Variants in DENND4C observed in about 807,000 individuals in gnomAD.
DENND4C encodes DENN domain-containing protein 4C.
In DENND4C, 108 loss-of-function variants were observed where a neutral mutation model predicts 203.0. The observed-to-expected ratio is 0.53, with a 90% CI of 0.46 to 0.62. The LOEUF (loss-of-function observed/expected upper bound fraction) is 0.62. Ranked by LOEUF, DENND4C falls within the 20% of genes least tolerant of loss-of-function variation. The pLI is 0.00. For synonymous variants in DENND4C, 871 were observed against 792.4 expected, an observed-to-expected ratio of 1.10 and a Z score of -1.67; for missense variants, 2,481 against 2,301.2, an observed-to-expected ratio of 1.08 and a Z score of -1.60.
chr9:19,259,241 G>A (rs77693059), intron 1 of DENND4C, among the ~76,000 whole-genome samples: 180 of 151,236 alleles, frequency 1.2e-3, no homozygotes, highest in African/African-American at 4.0e-3. Flanking sequence ...TTCCGCCCCC[G>A]CCACCTCCCC....
At chr9:19,357,415 A>C (rs1047237758) in intron 27 of DENND4C, 3 of 370,088 alleles carry the variant, frequency 8.1e-6, no homozygotes, top group African/African-American at 4.2e-5. Context: ...TAATATAGTC[A>C]TTGCCAGTTT....
intron 12 of DENND4C, among the ~76,000 whole-genome samples, chr9:19,318,852 G>C (rs773311206): frequency 2.0e-5 from 3 of 152,036 alleles, no homozygotes; most frequent in Admixed American, 6.6e-5. Flanking sequence ...ACATTCCGAG[G>C]TACTAGGGGC....
chr9:19,269,915 A>G (rs1831282348), intron 1 of DENND4C, among the ~76,000 whole-genome samples: 2 of 152,164 alleles, frequency 1.3e-5, no homozygotes, highest in South Asian at 4.1e-4. Context: ...CTTTCCAAGT[A>G]TTCAAAGGTA....
At chr9:19,368,657 C>T (rs1828180647) in intron 30 of DENND4C, among the ~76,000 whole-genome samples, 1 of 152,020 alleles carries the variant, frequency 6.6e-6, no homozygotes, top group African/African-American at 2.4e-5. Flanking sequence ...AAAAAATTAG[C>T]TAGATGTGGT....
At chr9:19,323,189 C>G (rs182544020) in intron 12 of DENND4C, among the ~76,000 whole-genome samples, 1 of 152,322 alleles carries the variant, frequency 6.6e-6, no homozygotes, top group Non-Finnish European at 1.5e-5. Context: ...AATCCCAGAA[C>G]TTTGGGAGGC....
At chr9:19,312,694 A>G (rs1279080044) in intron 10 of DENND4C, among the ~76,000 whole-genome samples, 1 of 152,134 alleles carries the variant, frequency 6.6e-6, no homozygotes, top group African/African-American at 2.4e-5. Context: ...ATTGCATTTT[A>G]TAGTTATTTG....
At chr9:19,266,150 A>G (rs991500552) in intron 1 of DENND4C, among the ~76,000 whole-genome samples, 4 of 152,152 alleles carry the variant, frequency 2.6e-5, no homozygotes, top group African/African-American at 9.7e-5. Flanking sequence ...TCGTCATTCT[A>G]ACTGGTGTGA....
intron 1 of DENND4C, among the ~76,000 whole-genome samples, chr9:19,250,719 G>A (rs993236140): frequency 1.3e-5 from 2 of 152,160 alleles, no homozygotes; most frequent in Non-Finnish European, 2.9e-5. Context: ...CAAAATGAAG[G>A]GGCTACAGGC....
chr9:19,357,536 A>T (rs569216206), intron 27 of DENND4C: 1 of 212,402 alleles, frequency 4.7e-6, no homozygotes, highest in Admixed American at 5.2e-5. Flanking sequence ...GCTAAGCTCT[A>T]AAAATAAAAA....
At chr9:19,319,252 CAT>C (rs541592840) in intron 12 of DENND4C, among the ~76,000 whole-genome samples, 429 of 143,040 alleles carry the variant, frequency 3.0e-3, no homozygotes, top group African/African-American at 7.9e-3. Context: ...TATATATAAA[CAT>C]ATGTATAAAC....
intron 4 of DENND4C, among the ~76,000 whole-genome samples, chr9:19,289,762 G>A (rs138796481): frequency 1.2e-3 from 175 of 151,230 alleles, no homozygotes; most frequent in African/African-American, 4.1e-3. Context: ...CCAGGAGGCG[G>A]AGGTTGCAGT....
At chr9:19,235,211 C>T (rs1057279987) in intron 1 of DENND4C, among the ~76,000 whole-genome samples, 2 of 152,052 alleles carry the variant, frequency 1.3e-5, no homozygotes, top group Admixed American at 6.6e-5. Flanking sequence ...GTGATCCATC[C>T]GCCTCGGCCT....
chr9:19,297,425 T>G (rs1837689940), intron 6 of DENND4C, among the ~76,000 whole-genome samples: 1 of 152,210 alleles, frequency 6.6e-6, no homozygotes, highest in Non-Finnish European at 1.5e-5. Context: ...TGGGTTTAAC[T>G]TTCAGCTGTC....
chr9:19,271,108 A>G (rs1192220175), intron 1 of DENND4C, among the ~76,000 whole-genome samples: 1 of 152,136 alleles, frequency 6.6e-6, no homozygotes, highest in African/African-American at 2.4e-5. Flanking sequence ...AACCTTGTTC[A>G]TGGATTAGAA....
intron 30 of DENND4C, among the ~76,000 whole-genome samples, chr9:19,367,833 G>A (rs972891731): frequency 3.3e-5 from 5 of 152,188 alleles, no homozygotes; most frequent in African/African-American, 1.2e-4. Context: ...ATGAAGTACT[G>A]ATATATGTAC....
intron 1 of DENND4C, among the ~76,000 whole-genome samples, chr9:19,257,792 A>C (rs1346871336): frequency 1.3e-5 from 2 of 152,184 alleles, no homozygotes; most frequent in Non-Finnish European, 2.9e-5. Context: ...ACTTAGATGG[A>C]ATGACAAATT....
chr9:19,265,699 C>G (rs1236595078), intron 1 of DENND4C, among the ~76,000 whole-genome samples: 1 of 152,112 alleles, frequency 6.6e-6, no homozygotes, highest in Non-Finnish European at 1.5e-5. Flanking sequence ...TGAGAACATG[C>G]GGTGTTTGGT....
chr9:19,340,470 TA>T (rs1024468528), intron 20 of DENND4C, among the ~76,000 whole-genome samples: 3 of 150,588 alleles, frequency 2.0e-5, no homozygotes, highest in African/African-American at 7.3e-5. Context: ...TTACTGATTT[TA>T]TTTTTTTTTT....
At chr9:19,349,357 G>A (rs1349218373) in intron 23 of DENND4C, among the ~76,000 whole-genome samples, 6 of 151,728 alleles carry the variant, frequency 4.0e-5, no homozygotes, top group Non-Finnish European at 7.4e-5. Context: ...GCAGTGAGCC[G>A]AGATCACACC....
Sources: allele counts gnomAD v4.1 joint callset (sites outside exome capture counted in the v4.1 genomes callset), GRCh38; gene constraint gnomAD v4.1.1; transcripts MANE v1.5; gene names NCBI Gene and HGNC (gene_info 2026-07-23, HGNC 2026-07-21).